The following COP1 variants were observed in gnomAD, a reference collection of about 807,000 sequenced individuals.
COP1 encodes COP1 E3 ubiquitin ligase.
Under a neutral mutation model 101.3 loss-of-function variants are expected in COP1, and 24 were observed. The ratio of observed to expected loss-of-function variants is 0.24; its 90% CI spans 0.17 to 0.33. The LOEUF (loss-of-function observed/expected upper bound fraction) is 0.33. Among genes scored for constraint, COP1 ranks in the 10% least tolerant of loss-of-function variants. The pLI is 1.00. For missense variants in COP1, 663 were observed against 906.2 expected (o/e 0.73, Z 3.45); for synonymous variants, 347 against 341.9 (o/e 1.01, Z -0.17).
At chr1:176,192,632 G>A (rs1033006768) in intron 1 of COP1, among the ~76,000 whole-genome samples, 3 of 152,004 alleles carry the variant, frequency 2.0e-5, no homozygotes, top group Non-Finnish European at 4.4e-5. Context: ...TTTCAGAAGA[G>A]TACCCAATCA....
At chr1:176,075,689 A>C (rs1459599617) in intron 11 of COP1, among the ~76,000 whole-genome samples, 1 of 152,144 alleles carries the variant, frequency 6.6e-6, no homozygotes, top group East Asian at 1.9e-4. Context: ...GCTTACAAGA[A>C]GACTTAGCCA....
At chr1:175,969,726 G>A (rs1414271402) in intron 18 of COP1, among the ~76,000 whole-genome samples, 1 of 152,052 alleles carries the variant, frequency 6.6e-6, no homozygotes, top group Non-Finnish European at 1.5e-5. Flanking sequence ...AAGCCAACAG[G>A]TGAGAAAAAT....
intron 11 of COP1, among the ~76,000 whole-genome samples, chr1:176,066,959 G>C (rs1035465238): frequency 1.3e-5 from 2 of 152,162 alleles, no homozygotes; most frequent in African/African-American, 4.8e-5. Flanking sequence ...GATGGAATAA[G>C]TATCCTGGTA....
At chr1:176,011,249 A>C (rs987741007) in intron 15 of COP1, among the ~76,000 whole-genome samples, 1 of 152,222 alleles carries the variant, frequency 6.6e-6, no homozygotes, top group African/African-American at 2.4e-5. Flanking sequence ...ACTAAAACTT[A>C]CTTTCTCAGT....
chr1:175,985,228 A>G (rs539614146), intron 18 of COP1, among the ~76,000 whole-genome samples: 80 of 152,304 alleles, frequency 5.3e-4, no homozygotes, highest in African/African-American at 1.9e-3. Flanking sequence ...TTCAATATTT[A>G]GAGCTGCTGT....
intron 9 of COP1, among the ~76,000 whole-genome samples, chr1:176,091,976 G>A (rs1398343856): frequency 6.6e-6 from 1 of 151,958 alleles, no homozygotes; most frequent in Non-Finnish European, 1.5e-5. Flanking sequence ...GATTCAAGAT[G>A]AAAAACATTA....
intron 9 of COP1, among the ~76,000 whole-genome samples, chr1:176,110,003 A>C (rs926181923): frequency 2.6e-5 from 4 of 152,152 alleles, no homozygotes; most frequent in African/African-American, 9.6e-5. Flanking sequence ...TGTTTCCACT[A>C]GCGGTATTTT....
intron 15 of COP1, among the ~76,000 whole-genome samples, chr1:176,021,669 TG>T (rs749866672): frequency 3.0e-4 from 45 of 152,208 alleles, no homozygotes; most frequent in Non-Finnish European, 5.7e-4. Context: ...ACATTAACAA[TG>T]ATAGGAAAGA....
At chr1:176,094,086 T>C (rs1457951751) in intron 9 of COP1, among the ~76,000 whole-genome samples, 1 of 151,518 alleles carries the variant, frequency 6.6e-6, no homozygotes, top group African/African-American at 2.4e-5. Flanking sequence ...CTTCAAAGCC[T>C]GAAAGATGAG....
chr1:176,063,047 G>GTT (rs34464104), intron 11 of COP1, among the ~76,000 whole-genome samples: 37,945 of 90,650 alleles, frequency 0.42, 9,897 homozygotes, highest in Admixed American at 0.46. Context: ...TTTTGAAAAT[G>GTT]TTTTTTTTTT....
At chr1:176,077,879 T>G (rs1424725935) in intron 11 of COP1, among the ~76,000 whole-genome samples, 1 of 147,952 alleles carries the variant, frequency 6.8e-6, no homozygotes. Flanking sequence ...GAGAAAGAAA[T>G]AAAAAACACA....
At chr1:176,166,582 C>G (rs1237076935) in intron 3 of COP1, among the ~76,000 whole-genome samples, 1 of 152,174 alleles carries the variant, frequency 6.6e-6, no homozygotes, top group Non-Finnish European at 1.5e-5. Flanking sequence ...AAGTTTTTTA[C>G]TACTGTATCA....
At chr1:176,133,734 T>C (rs1356339969) in intron 8 of COP1, 3 of 371,946 alleles carry the variant, frequency 8.1e-6, no homozygotes, top group Non-Finnish European at 1.6e-5. Context: ...GGAAACAATA[T>C]ATACAAAAAA....
intron 15 of COP1, among the ~76,000 whole-genome samples, chr1:175,994,389 T>A (rs1464919969): frequency 3.9e-5 from 6 of 152,046 alleles, no homozygotes; most frequent in Non-Finnish European, 7.4e-5. Flanking sequence ...AATTCACACA[T>A]AACAATATTA....
intron 11 of COP1, among the ~76,000 whole-genome samples, chr1:176,053,269 T>C (rs749903708): frequency 9.2e-5 from 14 of 152,276 alleles, no homozygotes; most frequent in Middle Eastern, 6.8e-3. Context: ...CATGTTCAAA[T>C]AGGCCTGGAA....
chr1:176,002,060 T>C (rs564710874), intron 15 of COP1, among the ~76,000 whole-genome samples: 1 of 152,222 alleles, frequency 6.6e-6, no homozygotes, highest in Non-Finnish European at 1.5e-5. Flanking sequence ...TTCAATATGA[T>C]GAGTTTAGGT....
At chr1:176,181,557 T>C (rs1697760902) in intron 2 of COP1, among the ~76,000 whole-genome samples, 1 of 152,132 alleles carries the variant, frequency 6.6e-6, no homozygotes, top group East Asian at 1.9e-4. Flanking sequence ...TAAAACACAT[T>C]CTTGGCTGGG....
intron 14 of COP1, among the ~76,000 whole-genome samples, chr1:176,042,052 C>T (rs908878720): frequency 1.3e-5 from 2 of 152,104 alleles, no homozygotes; most frequent in Admixed American, 6.5e-5. Flanking sequence ...GCAGAGGTTG[C>T]AGTGAGCGGA....
intron 14 of COP1, among the ~76,000 whole-genome samples, chr1:176,038,166 A>G (rs1386532683): frequency 6.6e-6 from 1 of 152,158 alleles, no homozygotes; most frequent in East Asian, 1.9e-4. Flanking sequence ...TAAAAATACC[A>G]TTTTCATTAG....
Sources: gnomAD v4.1 joint callset for allele counts (sites outside exome capture counted in the v4.1 genomes callset) on GRCh38, gnomAD v4.1.1 for gene constraint, MANE v1.5 for transcripts, NCBI Gene and HGNC (gene_info 2026-07-23, HGNC 2026-07-21) for gene names.